Variants in SAMD12 observed in about 807,000 individuals in gnomAD.
SAMD12 encodes sterile alpha motif domain-containing protein 12.
A neutral mutation model predicts 15.0 loss-of-function variants in SAMD12; 9 were observed. The ratio of observed to expected loss-of-function variants is 0.60; its 90% CI spans 0.36 to 1.05. The LOEUF (loss-of-function observed/expected upper bound fraction) is 1.05. Among genes scored for constraint, SAMD12 ranks in the 50% least tolerant of loss-of-function variants. The pLI is 0.01. For synonymous variants in SAMD12, 86 were observed against 90.1 expected (o/e 0.96, Z 0.25); for missense variants, 230 against 234.2 (o/e 0.98, Z 0.12).
intron 3 of SAMD12, among the ~76,000 whole-genome samples, chr8:118,400,861 T>C (rs914636332): frequency 6.6e-6 from 1 of 151,322 alleles, no homozygotes; most frequent in African/African-American, 2.4e-5. Flanking sequence ...GAACTGAGAA[T>C]GGAAAAAAAA....
downstream of SAMD12, among the ~76,000 whole-genome samples, chr8:118,185,879 C>T (rs1286464655): frequency 6.6e-6 from 1 of 152,126 alleles, no homozygotes; most frequent in Non-Finnish European, 1.5e-5. Flanking sequence ...CCCAGGTTTC[C>T]ATCTCCCTCT....
rs937704226 is a variant in SAMD12, at chr8:118,378,499, T to C, written c.*918A>G. On this transcript the variant is annotated 3_prime_UTR_variant, in exon 4 of 4. Transcript: ENST00000314727. ...TACGATCACTTGAAATCTATATTTATCCTTCTAGAATAGTCATCTTTCAGG... is the reference window on the plus strand; with the variant it reads ...TACGATCACTTGAAATCTATATTTACCCTTCTAGAATAGTCATCTTTCAGG... 1.9e-5 allele frequency: 19 copies of C among 984,418 alleles called. No individual in the cohort carries two copies. Among genetic ancestry groups the C allele is most frequent in the Admixed American group, 1.2e-4 (2 of 16,256 alleles). The allele number at this position is 984,418 out of a possible 1,614,324, so 61.0% of individuals were successfully genotyped here.
intron 4 of SAMD12, among the ~76,000 whole-genome samples, chr8:118,251,111 T>C (rs909421281): frequency 3.3e-5 from 5 of 152,054 alleles, no homozygotes; most frequent in African/African-American, 1.2e-4. Context: ...GGTATGTGCA[T>C]AGGGGTGCCG....
intron 4 of SAMD12, among the ~76,000 whole-genome samples, chr8:118,273,551 T>C (rs1813412982): frequency 6.6e-6 from 1 of 152,180 alleles, no homozygotes; most frequent in African/African-American, 2.4e-5. Flanking sequence ...CTGGACAAAG[T>C]AGCTGGTTAA....
intron 3 of SAMD12, among the ~76,000 whole-genome samples, chr8:118,430,821 T>C (rs969692598): frequency 3.8e-4 from 58 of 152,328 alleles, no homozygotes; most frequent in African/African-American, 1.3e-3. Flanking sequence ...AGAGAGCATA[T>C]AGTTAGGCTT....
intron 1 of SAMD12, among the ~76,000 whole-genome samples, chr8:118,581,714 G>A (rs1827301837): frequency 6.6e-6 from 1 of 152,172 alleles, no homozygotes; most frequent in Non-Finnish European, 1.5e-5. Flanking sequence ...AGCAATGAAT[G>A]TTGTAAGATC....
At chr8:118,312,399 C>T (rs13275560) in intron 4 of SAMD12, among the ~76,000 whole-genome samples, 33,437 of 152,150 alleles carry the variant, frequency 0.22, 3,912 homozygotes, top group African/African-American at 0.28. Context: ...CCATCCTCAT[C>T]CCCTCCATGC....
At chr8:118,171,117 G>A in the SAMD12 span, among the ~76,000 whole-genome samples, 2 of 152,122 alleles carry the variant, frequency 1.3e-5, no homozygotes, top group Admixed American at 6.5e-5. Context: ...CTAAAATCAC[G>A]TTGAGATACC....
intron 1 of SAMD12, among the ~76,000 whole-genome samples, chr8:118,600,871 T>C (rs1827846818): frequency 6.6e-6 from 1 of 152,196 alleles, no homozygotes; most frequent in South Asian, 2.1e-4. Context: ...ACTTTTCTAA[T>C]CTGAACAATG....
At chr8:118,303,023 C>T (rs973035393) in intron 4 of SAMD12, among the ~76,000 whole-genome samples, 2 of 152,204 alleles carry the variant, frequency 1.3e-5, no homozygotes, top group African/African-American at 4.8e-5. Context: ...TAAGTTAATA[C>T]ATATGGCTTT....
intron 4 of SAMD12, among the ~76,000 whole-genome samples, chr8:118,332,939 C>T (rs1816872860): frequency 6.6e-6 from 1 of 152,178 alleles, no homozygotes; most frequent in African/African-American, 2.4e-5. Flanking sequence ...CTAGTGACCT[C>T]ATATTTATCT....
At chr8:118,464,722 CT>C (rs550206245) in intron 2 of SAMD12, among the ~76,000 whole-genome samples, 15 of 148,024 alleles carry the variant, frequency 1.0e-4, no homozygotes, top group Non-Finnish European at 1.5e-4. Flanking sequence ...AAATTCAACT[CT>C]TTTTTTTTTA....
intron 2 of SAMD12, among the ~76,000 whole-genome samples, chr8:118,528,013 T>C (rs763575953): frequency 3.5e-5 from 5 of 144,836 alleles, no homozygotes; most frequent in Non-Finnish European, 7.5e-5. Context: ...CAGTTTTTGT[T>C]CTTTATAATA....
At chr8:118,250,595 T>C (rs1812798241) in intron 4 of SAMD12, among the ~76,000 whole-genome samples, 1 of 151,522 alleles carries the variant, frequency 6.6e-6, no homozygotes, top group African/African-American at 2.4e-5. Flanking sequence ...CTCCACCTCA[T>C]AGGTTTAAGC....
At chr8:118,363,390 A>G (rs1273850129) in intron 4 of SAMD12, among the ~76,000 whole-genome samples, 1 of 152,220 alleles carries the variant, frequency 6.6e-6, no homozygotes, top group African/African-American at 2.4e-5. Flanking sequence ...AATCAGTTAA[A>G]GGCCTGAATA....
At position 118,378,070 on chromosome 8, in the gene SAMD12, G is replaced by T. The variant is rs547633184; in HGVS notation, c.*1347C>A. 1.2e-4 allele frequency: 18 copies of T among 152,152 alleles called. No individual in the cohort carries two copies. Among genetic ancestry groups the T allele is most frequent in the African/African-American group, 3.6e-4 (15 of 41,512 alleles). The allele number at this position is 152,152 out of a possible 1,614,324, so 9.4% of individuals were successfully genotyped here. On this transcript the variant is annotated 3_prime_UTR_variant, in exon 4 of 4. Transcript: ENST00000314727. ...TTTTTCTGTACATATAAGAATATAT[G>T]GTTTTTACAAAATTGGGCTTATATT... is the stretch of plus-strand genomic sequence containing the variant.
intron 1 of SAMD12, among the ~76,000 whole-genome samples, chr8:118,589,633 AG>A (rs1304888984): frequency 1.3e-5 from 2 of 152,232 alleles, no homozygotes; most frequent in Admixed American, 6.5e-5. Flanking sequence ...AGACACATGC[AG>A]AAGTTCTATG....
intron 3 of SAMD12, among the ~76,000 whole-genome samples, chr8:118,396,281 T>G (rs73327547): frequency 0.019 from 2,920 of 152,290 alleles, 86 homozygotes; most frequent in African/African-American, 0.066. Flanking sequence ...CTGAGTTTTC[T>G]ATGTGAAAGT....
At chr8:118,294,450 C>T (rs186025320) in intron 4 of SAMD12, among the ~76,000 whole-genome samples, 32 of 152,316 alleles carry the variant, frequency 2.1e-4, no homozygotes, top group African/African-American at 7.5e-4. Flanking sequence ...CTTCACCAGT[C>T]GGGTTGGGAG....
Sources: allele counts gnomAD v4.1 joint callset (sites outside exome capture counted in the v4.1 genomes callset), GRCh38; gene constraint gnomAD v4.1.1; transcripts MANE v1.5; gene names NCBI Gene and HGNC (gene_info 2026-07-23, HGNC 2026-07-21).